DOK5: variants seen among roughly 807,000 people sequenced by gnomAD.
DOK5 encodes the protein docking protein 5.
In DOK5, 27 loss-of-function variants were observed where a neutral mutation model predicts 43.3. That is an observed-to-expected ratio of 0.62 (90% confidence interval 0.46 to 0.86). DOK5 has a LOEUF of 0.86. Among genes scored for constraint, DOK5 ranks in the 40% least tolerant of loss-of-function variants. The probability of loss-of-function intolerance (pLI) is 0.00; values close to 1 mark genes in which losing one functional copy is unlikely to be tolerated. For missense variants in DOK5, 373 were observed against 392.9 expected (o/e 0.95, Z 0.43); for synonymous variants, 146 against 140.1 (o/e 1.04, Z -0.30).
intron 1 of DOK5, among the ~76,000 whole-genome samples, chr20:54,511,861 C>T (rs1156868073): frequency 6.6e-6 from 1 of 152,178 alleles, no homozygotes; most frequent in Non-Finnish European, 1.5e-5. Flanking sequence ...AGAGAATGTA[C>T]TTCTTTTTCC....
At chr20:54,563,326 T>A (rs1984976338) in intron 2 of DOK5, among the ~76,000 whole-genome samples, 1 of 152,216 alleles carries the variant, frequency 6.6e-6, no homozygotes, top group Admixed American at 6.5e-5. Context: ...GGTGTTCATT[T>A]TCCTGGTGGT....
chr20:54,615,308 G>T (rs1036248722), intron 6 of DOK5, among the ~76,000 whole-genome samples: 1 of 152,136 alleles, frequency 6.6e-6, no homozygotes, highest in African/African-American at 2.4e-5. Context: ...AAATACGCCC[G>T]CATTCTAATC....
At chr20:54,607,403 G>GGTGTGTGTGTGTGTGTGTGT (rs10684906) in intron 5 of DOK5, among the ~76,000 whole-genome samples, 1 of 145,544 alleles carries the variant, frequency 6.9e-6, no homozygotes, top group Admixed American at 6.8e-5. Context: ...AGTGGTAAGT[G>GGTGTGTGTGTGTGTGTGTGT]GTGTGTGTGT....
intron 2 of DOK5, among the ~76,000 whole-genome samples, chr20:54,581,009 G>C (rs1600715602): frequency 6.6e-6 from 1 of 152,054 alleles, no homozygotes; most frequent in East Asian, 1.9e-4. Context: ...TATAGTTTCA[G>C]GTCTTACATT....
intron 5 of DOK5, among the ~76,000 whole-genome samples, chr20:54,608,135 A>G (rs1986531568): frequency 1.3e-5 from 2 of 152,188 alleles, no homozygotes. Context: ...AGACTTTGAA[A>G]GCAACTAGAT....
intron 1 of DOK5, among the ~76,000 whole-genome samples, chr20:54,502,748 ATTAC>A (rs1176082057): frequency 6.6e-6 from 1 of 152,192 alleles, no homozygotes; most frequent in Non-Finnish European, 1.5e-5. Flanking sequence ...TCTTTTAATT[ATTAC>A]TTAAAGATTG....
chr20:54,483,685 T>C (rs937679339), intron 1 of DOK5, among the ~76,000 whole-genome samples: 2 of 152,210 alleles, frequency 1.3e-5, no homozygotes, highest in African/African-American at 4.8e-5. Flanking sequence ...CTTGAAGAGA[T>C]TATGGTGCGA....
intron 1 of DOK5, among the ~76,000 whole-genome samples, chr20:54,545,468 G>T (rs1286323233): frequency 6.6e-6 from 1 of 152,174 alleles, no homozygotes; most frequent in African/African-American, 2.4e-5. Context: ...GCCCCAGATA[G>T]TGGACTGTCC....
chr20:54,602,975 A>C lies in DOK5; in HGVS notation c.600-7413A>C, dbSNP rs6512976. ...CATGAGCCACCGCGCCCAGACTTTT[A>C]ATGTATTTTTTAAGTCTGCTTTCAA... On this transcript the variant is annotated intron_variant, in intron 5 of 7. Coordinates refer to ENST00000262593, the MANE Select transcript of DOK5 (RefSeq NM_018431.5). 7.3e-3 allele frequency among the ~76,000 whole-genome samples: 1,113 copies of C among 152,300 alleles called. 16 individuals carry two copies. Among genetic ancestry groups the C allele is most frequent in the African/African-American group, 0.025 (1,028 of 41,564 alleles).
At chr20:54,635,980 C>T (rs1285712681) in intron 6 of DOK5, among the ~76,000 whole-genome samples, 1 of 152,216 alleles carries the variant, frequency 6.6e-6, no homozygotes, top group African/African-American at 2.4e-5. Context: ...GATCAAGGTG[C>T]TGGCATCTTG....
At chr20:54,549,995 T>C (rs1303706793) in intron 1 of DOK5, among the ~76,000 whole-genome samples, 1 of 152,194 alleles carries the variant, frequency 6.6e-6, no homozygotes, top group Non-Finnish European at 1.5e-5. Flanking sequence ...GTCTCATCTG[T>C]TATTCAGACA....
At chr20:54,615,041 G>A (rs1480408965) in intron 6 of DOK5, among the ~76,000 whole-genome samples, 3 of 152,080 alleles carry the variant, frequency 2.0e-5, no homozygotes, top group Non-Finnish European at 4.4e-5. Flanking sequence ...GGAGAAAGAC[G>A]GCAAAACTCA....
chr20:54,500,331 G>A (rs544669976), intron 1 of DOK5, among the ~76,000 whole-genome samples: 8 of 151,928 alleles, frequency 5.3e-5, no homozygotes, highest in Admixed American at 2.6e-4. Flanking sequence ...CACTGGACAC[G>A]AAAAAAATAG....
intron 1 of DOK5, 107 bp from the exon 2 acceptor site, chr20:54,554,826 T>C: frequency 1.4e-6 from 1 of 715,772 alleles, no homozygotes; most frequent in Non-Finnish European, 2.4e-6. Flanking sequence ...CAACATCACA[T>C]TTCTGGCTTG....
At chr20:54,501,658 C>T (rs1222826549) in intron 1 of DOK5, among the ~76,000 whole-genome samples, 2 of 151,880 alleles carry the variant, frequency 1.3e-5, no homozygotes, top group African/African-American at 4.8e-5. Context: ...ATATTTCGAC[C>T]CTTAGCATGA....
At chr20:54,534,677 G>C (rs1983890772) in intron 1 of DOK5, among the ~76,000 whole-genome samples, 1 of 151,970 alleles carries the variant, frequency 6.6e-6, no homozygotes, top group Admixed American at 6.6e-5. Context: ...GTGAAGATCT[G>C]TGAGGAGGAG....
At chr20:54,565,502 C>T (rs116384128) in intron 2 of DOK5, among the ~76,000 whole-genome samples, 77 of 152,174 alleles carry the variant, frequency 5.1e-4, no homozygotes, top group African/African-American at 1.8e-3. Flanking sequence ...CAGTGGCTCA[C>T]GCCTGTGATC....
chr20:54,529,965 T>G lies in DOK5; in HGVS notation c.67-24968T>G, dbSNP rs145312519. Among the ~76,000 whole-genome samples, 395 of 152,402 alleles carry G rather than the reference T, an allele frequency of 2.6e-3. 1 individual carries two copies. Among genetic ancestry groups the G allele is most frequent in the African/African-American group, 8.7e-3 (362 of 41,608 alleles). On this transcript the variant is annotated intron_variant, in intron 1 of 7. Coordinates refer to ENST00000262593, the MANE Select transcript of DOK5 (RefSeq NM_018431.5). Reference sequence around the variant, plus strand: ...GGATAGACCACATTTTGTTTATCTATTCATCCATTTATACATTTGGGTTTG... The same window carrying G: ...GGATAGACCACATTTTGTTTATCTAGTCATCCATTTATACATTTGGGTTTG...
chr20:54,513,618 A>T (rs991199114), intron 1 of DOK5, among the ~76,000 whole-genome samples: 2 of 152,192 alleles, frequency 1.3e-5, no homozygotes, highest in Non-Finnish European at 2.9e-5. Flanking sequence ...AGAGAATAAG[A>T]CTGTCAAAGG....
Sources: allele counts gnomAD v4.1 joint callset (sites outside exome capture counted in the v4.1 genomes callset), GRCh38; gene constraint gnomAD v4.1.1; transcripts MANE v1.5; gene names NCBI Gene and HGNC (gene_info 2026-07-23, HGNC 2026-07-21).